The following TMEM50B variants were observed in gnomAD, a reference collection of about 807,000 sequenced individuals.
TMEM50B encodes the protein transmembrane protein 50B, also known as HCV p7-trans-regulated protein 3.
In TMEM50B, 14 loss-of-function variants were observed where a neutral mutation model predicts 23.4. That is an observed-to-expected ratio of 0.60 (90% CI 0.39 to 0.93). The LOEUF is 0.93. TMEM50B is among the 40% of genes least tolerant of loss of function. The pLI is 0.00. For synonymous variants in TMEM50B, 64 were observed against 62.3 expected (o/e 1.03, Z -0.13); for missense variants, 159 against 193.0 (o/e 0.82, Z 1.04).
chr21:33,455,868 T>C (rs2084164366), intron 5 of TMEM50B, 84 bp from the exon 6 acceptor site: 2 of 948,946 alleles, frequency 2.1e-6, no homozygotes, highest in African/African-American at 3.2e-5. Flanking sequence ...TAATGATACA[T>C]TTTGTATATT....
intron 6 of TMEM50B, among the ~76,000 whole-genome samples, chr21:33,452,197 C>A (rs1568976498): frequency 6.6e-6 from 1 of 152,248 alleles, no homozygotes; most frequent in Non-Finnish European, 1.5e-5. Context: ...CTGTCAGTCA[C>A]ATGTCTTTGA....
chr21:33,437,913 G>A (rs1173313583), intron 8 of TMEM50B, among the ~76,000 whole-genome samples: 1 of 151,760 alleles, frequency 6.6e-6, no homozygotes, highest in Admixed American at 6.6e-5. Context: ...AGCCTGGGAG[G>A]CGGAGGTTAC....
At chr21:33,464,243 G>T (rs185757129) in intron 4 of TMEM50B, among the ~76,000 whole-genome samples, 1 of 150,936 alleles carries the variant, frequency 6.6e-6, no homozygotes, top group African/African-American at 2.4e-5. Context: ...TGTTGCCCAG[G>T]CTGGAGTCCA....
At chr21:33,470,268 T>C (rs1253234335) in intron 1 of TMEM50B, among the ~76,000 whole-genome samples, 1 of 150,868 alleles carries the variant, frequency 6.6e-6, no homozygotes, top group African/African-American at 2.4e-5. Context: ...GGTCACGAGT[T>C]CATGACCAGC....
rs376056460 is a variant in TMEM50B at position 33,450,878 on chromosome 21, A to G, written c.432-15T>C. The G allele has an allele frequency of 8.1e-6, 13 of 1,611,214 alleles. No individual in the cohort carries two copies. In the East Asian group the frequency reaches 8.9e-5, roughly 11 times the overall value. ...AGATCAGAGTGCTAGAAAGATAGGA[A>G]AACAAATCATGAGGAAAAAACCGAT... On this transcript the variant is annotated splice_polypyrimidine_tract_variant and intron_variant, in intron 6 of 6. Coordinates refer to ENST00000542230, the MANE Select transcript of TMEM50B (RefSeq NM_006134.7).
At chr21:33,478,701 TA>T (rs939807850) in intron 1 of TMEM50B, 1 of 459,844 alleles carries the variant, frequency 2.2e-6, no homozygotes, top group African/African-American at 2.0e-5. Context: ...ATATTCAAGA[TA>T]ACTTTTGGTT....
Position 33,436,970 on chromosome 21 carries a change from C to T in TMEM50B, c.*2120+2244G>A, listed in dbSNP as rs759566328. ...GTTCTCCAAACGCTTTGAACCAAAG[C>T]ATGGGCCTAGCCCACTGGCTCCCTG... is the stretch of plus-strand genomic sequence containing the variant. On this transcript the variant is annotated intron_variant and NMD_transcript_variant, in intron 8 of 8. Coordinates refer to the TMEM50B transcript ENST00000420455. 1.9e-6 allele frequency: 3 copies of T among 1,613,870 alleles called. No individual in the cohort carries two copies. In the South Asian group the frequency reaches 3.3e-5, roughly 18 times the overall value.
chr21:33,479,073 T>C (rs79106241), intron 1 of TMEM50B: 1 of 300,578 alleles, frequency 3.3e-6, no homozygotes, highest in African/African-American at 2.2e-5. Flanking sequence ...GCCTAGCCCG[T>C]CTCACTGCTT....
At chr21:33,444,445 T>A (rs1482641127), downstream of TMEM50B, among the ~76,000 whole-genome samples, 1 of 151,548 alleles carries the variant, frequency 6.6e-6, no homozygotes, top group Non-Finnish European at 1.5e-5. Context: ...CTCAGGAGAC[T>A]GAGGAGAGAG....
chr21:33,441,152 C>A (rs888547606), intron 7 of TMEM50B, among the ~76,000 whole-genome samples: 2 of 151,984 alleles, frequency 1.3e-5, no homozygotes, highest in African/African-American at 4.8e-5. Flanking sequence ...ATCGGTTGAA[C>A]CCACAAGGTG....
At chr21:33,446,320 T>C (rs2084054439), downstream of TMEM50B, among the ~76,000 whole-genome samples, 1 of 151,530 alleles carries the variant, frequency 6.6e-6, no homozygotes, top group Non-Finnish European at 1.5e-5. Flanking sequence ...CACTGCAGCC[T>C]CTGCCTCCTG....
At chr21:33,435,371 G>A (rs759038303) in intron 8 of TMEM50B, among the ~76,000 whole-genome samples, 8 of 152,032 alleles carry the variant, frequency 5.3e-5, no homozygotes, top group Non-Finnish European at 1.0e-4. Context: ...TCACTGAAAG[G>A]TTACAATTTT....
intron 3 of TMEM50B, among the ~76,000 whole-genome samples, chr21:33,465,729 T>C (rs1368894542): frequency 6.6e-6 from 1 of 152,214 alleles, no homozygotes; most frequent in Non-Finnish European, 1.5e-5. Context: ...GCTATCCCAC[T>C]TCAAGGTTCT....
chr21:33,439,773 C>T (rs192606856), intron 7 of TMEM50B, among the ~76,000 whole-genome samples: 33 of 151,706 alleles, frequency 2.2e-4, no homozygotes, highest in African/African-American at 6.3e-4. Context: ...CAAGGCCAGG[C>T]GCAGTGGCTC....
At chr21:33,453,043 G>A (rs1036804052) in intron 6 of TMEM50B, among the ~76,000 whole-genome samples, 2 of 152,288 alleles carry the variant, frequency 1.3e-5, no homozygotes, top group African/African-American at 4.8e-5. Context: ...TGCAGAAGTA[G>A]AGATTAATTT....
intron 7 of TMEM50B, among the ~76,000 whole-genome samples, chr21:33,440,835 T>G (rs530143530): frequency 2.0e-5 from 3 of 151,806 alleles, no homozygotes; most frequent in Non-Finnish European, 2.9e-5. Flanking sequence ...TGAGCCAAGA[T>G]TGCACCACTG....
chr21:33,478,509 T>A (rs527289294), intron 1 of TMEM50B, among the ~76,000 whole-genome samples: 2 of 152,138 alleles, frequency 1.3e-5, no homozygotes, highest in East Asian at 3.9e-4. Context: ...TACGATAAAT[T>A]CTTTACCTTG....
In TMEM50B at chr21:33,433,641, A is replaced by T. The variant is rs1274308467; in HGVS notation, c.*2121-839T>A. Among the ~76,000 whole-genome samples the T allele has an allele frequency of 2.0e-5, 3 of 152,286 alleles. No individual in the cohort carries two copies. In the East Asian group the frequency reaches 5.8e-4, roughly 29 times the overall value. On this transcript the variant is annotated intron_variant and NMD_transcript_variant, in intron 8 of 8. Coordinates refer to the TMEM50B transcript ENST00000420455. ...TGGGAAGTTCGTGTTGAATGGGGCC[A>T]GAGTTTCAGTTCTGGGGCTGTACAG...
chr21:33,459,724 GA>G (rs1264589231), intron 5 of TMEM50B, among the ~76,000 whole-genome samples: 1 of 150,918 alleles, frequency 6.6e-6, no homozygotes, highest in Non-Finnish European at 1.5e-5. Context: ...TCAATGAAAC[GA>G]AAGATTATCT....
Sources: allele counts gnomAD v4.1 joint callset (sites outside exome capture counted in the v4.1 genomes callset), GRCh38; gene constraint gnomAD v4.1.1; transcripts MANE v1.5; gene names NCBI Gene and HGNC (gene_info 2026-07-23, HGNC 2026-07-21).